Variants in SLC5A1 observed in about 807,000 individuals in gnomAD.
SLC5A1 encodes sodium/glucose cotransporter 1.
In SLC5A1, 42 loss-of-function variants were observed where a neutral mutation model predicts 73.5. The observed-to-expected ratio is 0.57, with a 90% CI of 0.45 to 0.74. The LOEUF (loss-of-function observed/expected upper bound fraction) is 0.74. Among genes scored for constraint, SLC5A1 ranks in the 30% least tolerant of loss-of-function variants. The probability of loss-of-function intolerance (pLI) is 0.00; values close to 1 mark genes in which losing one functional copy is unlikely to be tolerated. For synonymous variants in SLC5A1, 300 were observed against 317.4 expected (o/e 0.95, Z 0.58); for missense variants, 634 against 855.4 (o/e 0.74, Z 3.23).
chr22:32,064,570 C>A (rs1221101654), intron 2 of SLC5A1, among the ~76,000 whole-genome samples: 2 of 152,040 alleles, frequency 1.3e-5, no homozygotes, highest in Admixed American at 6.5e-5. Context: ...TCTAAACAAC[C>A]TGCCTTCCCC....
At chr22:32,102,743 G>A (rs1004263066) in intron 13 of SLC5A1, among the ~76,000 whole-genome samples, 22 of 151,938 alleles carry the variant, frequency 1.4e-4, no homozygotes, top group Admixed American at 7.2e-4. Context: ...TCCTGGCCTC[G>A]GTAACCATCA....
chr22:32,049,118 T>C (rs1162171674), intron 1 of SLC5A1, among the ~76,000 whole-genome samples: 1 of 142,886 alleles, frequency 7.0e-6, no homozygotes, highest in Non-Finnish European at 1.5e-5. Context: ...ATATAATCAT[T>C]ATATATATAT....
chr22:32,050,992 G>A (rs530761967), intron 2 of SLC5A1, among the ~76,000 whole-genome samples: 2 of 152,336 alleles, frequency 1.3e-5, no homozygotes, highest in South Asian at 2.1e-4. Context: ...TGTGATGGTA[G>A]GAAAGCTGTG....
intron 13 of SLC5A1, 117 bp from the exon 14 acceptor site, chr22:32,104,669 G>T: frequency 1.3e-6 from 1 of 742,194 alleles, no homozygotes; most frequent in Non-Finnish European, 2.4e-6. Context: ...TGTTCTTCCT[G>T]GTACTGAGAT....
intron 2 of SLC5A1, among the ~76,000 whole-genome samples, chr22:32,057,648 ATAAAAT>A (rs2149484999): frequency 2.0e-5 from 3 of 152,306 alleles, no homozygotes; most frequent in African/African-American, 7.2e-5. Flanking sequence ...GAAAGTAAAG[ATAAAAT>A]TAATATGTAA....
At chr22:32,087,085 G>A (rs931339235) in intron 10 of SLC5A1, among the ~76,000 whole-genome samples, 2 of 152,126 alleles carry the variant, frequency 1.3e-5, no homozygotes, top group African/African-American at 2.4e-5. Flanking sequence ...GTAGAATGGT[G>A]GTTACTAGGG....
intron 12 of SLC5A1, among the ~76,000 whole-genome samples, chr22:32,100,010 G>C (rs1291123344): frequency 2.0e-5 from 3 of 152,252 alleles, no homozygotes; most frequent in Non-Finnish European, 1.5e-5. Context: ...TGTCAGGGAA[G>C]GCTCCTTGGA....
intron 9 of SLC5A1, 27 bp downstream of exon 9, chr22:32,085,062 C>A (rs2094005932): frequency 6.2e-7 from 1 of 1,613,834 alleles, no homozygotes. Context: ...GACCCACAAA[C>A]CACTCTCCCT....
chr22:32,109,891 T>C (rs1477698342), intron 14 of SLC5A1, 99 bp from the exon 15 acceptor site: 4 of 882,634 alleles, frequency 4.5e-6, no homozygotes, highest in Non-Finnish European at 7.4e-6. Flanking sequence ...GGGAAATTTC[T>C]GCAGAATAGC....
intron 11 of SLC5A1, among the ~76,000 whole-genome samples, chr22:32,093,174 A>G (rs2094020820): frequency 6.6e-6 from 1 of 152,054 alleles, no homozygotes; most frequent in Non-Finnish European, 1.5e-5. Flanking sequence ...GCCTATTTTT[A>G]TATCAGTACC....
At chr22:32,104,651 G>A (rs1347581010) in intron 13 of SLC5A1, 135 bp from the exon 14 acceptor site, 7 of 711,552 alleles carry the variant, frequency 9.8e-6, no homozygotes, top group Admixed American at 2.0e-5. Flanking sequence ...GATGAGAATC[G>A]TTGTGTATGT....
chr22:32,047,810 CTTTGGAATAGTGA>C (rs1388560866), intron 1 of SLC5A1, among the ~76,000 whole-genome samples: 1 of 152,126 alleles, frequency 6.6e-6, no homozygotes, highest in Non-Finnish European at 1.5e-5. Context: ...GAGTTAATGC[CTTTGGAATAGTGA>C]TTTGGAATAG....
intron 2 of SLC5A1, among the ~76,000 whole-genome samples, chr22:32,052,429 G>T (rs548869704): frequency 6.6e-6 from 1 of 152,316 alleles, no homozygotes; most frequent in East Asian, 1.9e-4. Context: ...AGGGGCCAAA[G>T]GGTGTCTTAG....
At chr22:32,052,664 T>C (rs1456494163) in intron 2 of SLC5A1, among the ~76,000 whole-genome samples, 2 of 152,216 alleles carry the variant, frequency 1.3e-5, no homozygotes, top group Non-Finnish European at 2.9e-5. Flanking sequence ...TTTACCTGCA[T>C]GTGCTCTTAC....
In SLC5A1 at chr22:32,110,850, G is replaced by A. The variant is rs575780053; in HGVS notation, c.*637G>A. ...GGACCCGGGCCCCAGCCTCAAGCTA[G>A]TGGGGGAGGCAGATAGCCTGAATCC... On this transcript the variant is annotated 3_prime_UTR_variant, in exon 15 of 15. Coordinates refer to ENST00000266088, the MANE Select transcript of SLC5A1 (RefSeq NM_000343.4). The A allele has an allele frequency of 1.3e-5, 2 of 155,618 alleles. No individual in the cohort carries two copies. The highest frequency in any genetic ancestry group is 2.4e-5 in the African/African-American group (1 of 41,566). The allele number at this position is 155,618 out of a possible 1,614,324, so 9.6% of individuals were successfully genotyped here. A position where few individuals can be genotyped will look rare whatever the true frequency, so the allele number is the denominator to read the frequency against.
intron 5 of SLC5A1, among the ~76,000 whole-genome samples, chr22:32,075,933 A>G (rs909190271): frequency 1.3e-5 from 2 of 152,240 alleles, no homozygotes; most frequent in Non-Finnish European, 2.9e-5. Flanking sequence ...GCTCATGGAC[A>G]AAAGAAAATA....
rs1569313403 is a variant in SLC5A1 at position 32,091,336 on chromosome 22, CACACA to C, written c.1130-275_1130-271del. Among the ~76,000 whole-genome samples, 77 of 146,666 alleles carry C rather than the reference CACACA, an allele frequency of 5.3e-4. 1 individual carries two copies. The highest frequency in any genetic ancestry group is 1.3e-3 in the African/African-American group (49 of 38,436). On this transcript the variant is annotated intron_variant, in intron 10 of 14. Transcript: ENST00000266088. ...ACACACACACACACACACACACACA[CACACA>C]CCCCACCACCTTCATCATCGTCCAG...
intron 6 of SLC5A1, among the ~76,000 whole-genome samples, chr22:32,082,212 G>A (rs2094001173): frequency 6.6e-6 from 1 of 152,184 alleles, no homozygotes; most frequent in African/African-American, 2.4e-5. Context: ...AGTGCATGCA[G>A]AGCTGGGCCC....
At chr22:32,068,966 T>A (rs1488719219) in intron 5 of SLC5A1, among the ~76,000 whole-genome samples, 1 of 152,196 alleles carries the variant, frequency 6.6e-6, no homozygotes, top group Non-Finnish European at 1.5e-5. Flanking sequence ...TGCACTCCCA[T>A]GTTCATTGTA....
Sources: gnomAD v4.1 joint callset for allele counts (sites outside exome capture counted in the v4.1 genomes callset) on GRCh38, gnomAD v4.1.1 for gene constraint, MANE v1.5 for transcripts, NCBI Gene and HGNC (gene_info 2026-07-23, HGNC 2026-07-21) for gene names.